The following NRG3 variants were observed in gnomAD, a reference collection of about 807,000 sequenced individuals.
NRG3 encodes the protein pro-neuregulin-3, membrane-bound isoform.
Under a neutral mutation model 66.9 loss-of-function variants are expected in NRG3, and 31 were observed. That is an observed-to-expected ratio of 0.46 (90% CI 0.35 to 0.63). NRG3 has a LOEUF of 0.63. Ranked by LOEUF, NRG3 falls within the 20% of genes least tolerant of loss-of-function variation. The pLI is 0.00. For missense variants in NRG3, 910 were observed against 878.9 expected (o/e 1.04, Z -0.45); for synonymous variants, 393 against 359.4 (o/e 1.09, Z -1.06).
At chr10:82,312,269 C>A (rs986804232) in intron 1 of NRG3, among the ~76,000 whole-genome samples, 2 of 152,094 alleles carry the variant, frequency 1.3e-5, no homozygotes, top group Non-Finnish European at 2.9e-5. Flanking sequence ...TGGAAGCTGG[C>A]GTTTCTGAAG....
intron 1 of NRG3, among the ~76,000 whole-genome samples, chr10:82,302,272 C>G (rs1249364959): frequency 6.6e-6 from 1 of 151,968 alleles, no homozygotes; most frequent in African/African-American, 2.4e-5. Context: ...CAAAAAAAAT[C>G]TATATCATAC....
intron 2 of NRG3, among the ~76,000 whole-genome samples, chr10:82,420,922 A>T (rs539685611): frequency 6.6e-6 from 1 of 152,280 alleles, no homozygotes; most frequent in Non-Finnish European, 1.5e-5. Context: ...AATTCCATTT[A>T]TGACATTCTG....
At chr10:82,405,458 G>GTT (rs10676885) in intron 2 of NRG3, among the ~76,000 whole-genome samples, 2 of 140,322 alleles carry the variant, frequency 1.4e-5, no homozygotes, top group Admixed American at 7.2e-5. Context: ...TCAGTAGTTT[G>GTT]TTTTTTTTTT....
chr10:82,732,989 T>C (rs1037725393), intron 2 of NRG3, among the ~76,000 whole-genome samples: 2 of 152,238 alleles, frequency 1.3e-5, no homozygotes, highest in African/African-American at 4.8e-5. Context: ...TGTTTCTATT[T>C]TCCTGTAACA....
At position 82,301,620 on chromosome 10, in the gene NRG3, T is replaced by C. The variant is rs148257605; in HGVS notation, c.824-57119T>C. ...ACAATTATTTTTATCACATTTTCTT[T>C]GCATTTTTTGATTTATACATTCAGT... On this transcript the variant is annotated intron_variant, in intron 1 of 8. Transcript: ENST00000372141. 3.7e-3 allele frequency among the ~76,000 whole-genome samples: 565 copies of C among 150,930 alleles called. 5 individuals are homozygous for C. Among genetic ancestry groups the C allele is most frequent in the Middle Eastern group, 0.017 (5 of 288 alleles).
At position 82,759,528 on chromosome 10, in the gene NRG3, T is replaced by C. The variant is rs1450898393; in HGVS notation, c.1027+20878T>C. Among the ~76,000 whole-genome samples the C allele has an allele frequency of 2.6e-5, 4 of 152,076 alleles. No homozygotes were observed. In the East Asian group the frequency reaches 7.7e-4, roughly 29 times the overall value. On this transcript the variant is annotated intron_variant, in intron 3 of 8. Coordinates refer to ENST00000372141, the MANE Select transcript of NRG3 (RefSeq NM_001010848.4). Reference sequence around the variant, plus strand: ...AAAAGTATGTCATGAGGACAGAAAATGTCAAATATTTTACCAAAATCTTTG... The same window carrying C: ...AAAAGTATGTCATGAGGACAGAAAACGTCAAATATTTTACCAAAATCTTTG...
At chr10:82,517,625 CCCCG>C (rs146800194) in intron 2 of NRG3, among the ~76,000 whole-genome samples, 52,270 of 146,514 alleles carry the variant, frequency 0.36, 10,224 homozygotes, top group African/African-American at 0.57. Context: ...CTCTCTCTCA[CCCCG>C]CCCCCCCGTG....
At chr10:82,443,202 G>C (rs773751022) in intron 2 of NRG3, among the ~76,000 whole-genome samples, 49 of 142,174 alleles carry the variant, frequency 3.4e-4, no homozygotes, top group Non-Finnish European at 6.0e-5. Context: ...TTAGGATCCA[G>C]GGGATGCACT....
chr10:82,949,086 GT>G (rs1316343478), intron 4 of NRG3, among the ~76,000 whole-genome samples: 1 of 151,984 alleles, frequency 6.6e-6, no homozygotes, highest in Admixed American at 6.6e-5. Context: ...GGTTTTGAGA[GT>G]TTTAATCAAG....
intron 2 of NRG3, among the ~76,000 whole-genome samples, chr10:82,559,056 T>C (rs1226680214): frequency 6.6e-6 from 1 of 152,222 alleles, no homozygotes; most frequent in Non-Finnish European, 1.5e-5. Context: ...TTTGTGCATA[T>C]GCATATTTTT....
intron 2 of NRG3, among the ~76,000 whole-genome samples, chr10:82,397,257 A>G (rs2086773343): frequency 6.6e-6 from 1 of 152,192 alleles, no homozygotes; most frequent in African/African-American, 2.4e-5. Context: ...TAATGCTAAT[A>G]TTGTATAATC....
At chr10:82,179,776 C>T (rs1307805458) in intron 1 of NRG3, among the ~76,000 whole-genome samples, 5 of 151,658 alleles carry the variant, frequency 3.3e-5, no homozygotes, top group Non-Finnish European at 5.9e-5. Flanking sequence ...GTAAAGATTG[C>T]CTTGGGGTTT....
chr10:81,949,242 C>T (rs1049508076), intron 1 of NRG3, among the ~76,000 whole-genome samples: 1 of 152,078 alleles, frequency 6.6e-6, no homozygotes, highest in African/African-American at 2.4e-5. Flanking sequence ...TGACCCAAGG[C>T]CCTCAGGTAA....
At chr10:82,781,401 C>A (rs2060113208) in intron 3 of NRG3, among the ~76,000 whole-genome samples, 1 of 152,082 alleles carries the variant, frequency 6.6e-6, no homozygotes, top group Non-Finnish European at 1.5e-5. Context: ...TCAATTAGGA[C>A]CCTGTGCTAC....
intron 1 of NRG3, among the ~76,000 whole-genome samples, chr10:82,260,754 A>G (rs112952391): frequency 6.6e-6 from 1 of 151,938 alleles, no homozygotes; most frequent in African/African-American, 2.4e-5. Flanking sequence ...GGGAAACATG[A>G]CCCCCCCATA....
rs1438191791 is a variant in NRG3, at chr10:82,392,008, AAAC to A, written c.953+33143_953+33145del. ...CGAGCACATGCAAAAAAAAAAAAAA[AAAC>A]AAAAAAAAAACCCACGAAACTAGGA... On this transcript the variant is annotated intron_variant, in intron 2 of 8. Coordinates refer to ENST00000372141, the MANE Select transcript of NRG3 (RefSeq NM_001010848.4). Among the ~76,000 whole-genome samples the A allele has an allele frequency of 2.0e-3, 295 of 145,668 alleles. 20 individuals are homozygous for A. Among genetic ancestry groups the A allele is most frequent in the African/African-American group, 5.7e-3 (222 of 39,238 alleles).
intron 1 of NRG3, among the ~76,000 whole-genome samples, chr10:82,318,676 CT>C (rs2081412898): frequency 6.6e-6 from 1 of 152,184 alleles, no homozygotes; most frequent in South Asian, 2.1e-4. Context: ...ATCCACTGCT[CT>C]TTGAAGACTC....
chr10:82,179,566 G>A (rs961839954), intron 1 of NRG3, among the ~76,000 whole-genome samples: 3 of 151,850 alleles, frequency 2.0e-5, no homozygotes, highest in African/African-American at 7.2e-5. Flanking sequence ...AAATGCATTG[G>A]TTTATTTCTG....
At chr10:82,062,156 T>C (rs2064189894) in intron 1 of NRG3, among the ~76,000 whole-genome samples, 1 of 152,032 alleles carries the variant, frequency 6.6e-6, no homozygotes, top group Non-Finnish European at 1.5e-5. Context: ...AAGCCCTGCT[T>C]GTATCTCTAG....
Sources: gnomAD v4.1 joint callset for allele counts (sites outside exome capture counted in the v4.1 genomes callset) on GRCh38, gnomAD v4.1.1 for gene constraint, MANE v1.5 for transcripts, NCBI Gene and HGNC (gene_info 2026-07-23, HGNC 2026-07-21) for gene names.